CPS1: variants seen among roughly 807,000 people sequenced by gnomAD.
CPS1 encodes the protein carbamoyl-phosphate synthase [ammonia], mitochondrial.
In CPS1, 109 loss-of-function variants were observed where a neutral mutation model predicts 174.6. The observed-to-expected ratio is 0.62, with a 90% confidence interval of 0.53 to 0.73. The LOEUF (loss-of-function observed/expected upper bound fraction) is 0.73, where lower values mean the gene tolerates loss of function less well. Among genes scored for constraint, CPS1 ranks in the 30% least tolerant of loss-of-function variants. The probability of loss-of-function intolerance (pLI) is 0.00; values close to 1 mark genes in which losing one functional copy is unlikely to be tolerated. For missense variants in CPS1, 1,689 were observed against 1,821.9 expected (o/e 0.93, Z 1.33); for synonymous variants, 637 against 632.0 (o/e 1.01, Z -0.12).
At position 210,656,493 on chromosome 2, in the gene CPS1, T is replaced by C. The variant is rs774745466; in HGVS notation, c.3559-32T>C. On this transcript the variant is annotated intron_variant, in intron 29 of 37. Coordinates refer to ENST00000233072, the MANE Select transcript of CPS1 (RefSeq NM_001875.5). The stretch of plus-strand genomic sequence containing the variant: ...CTTGAAGGAAGTACCTGAAAACTTT[T>C]TCTAAAATCCTTTTTTTTTTTTTTT... 2.6e-6 allele frequency: 4 copies of C among 1,547,618 alleles called. No individual in the cohort carries two copies. The African/African-American group carries it at 5.8e-5, about 23-fold the overall frequency.
intron 29 of CPS1, 138 bp downstream of exon 29, chr2:210,654,240 A>T: frequency 1.3e-6 from 1 of 749,726 alleles, no homozygotes; most frequent in Non-Finnish European, 2.3e-6. Flanking sequence ...CTGTAAAAAA[A>T]ATCAAATTCT....
At chr2:210,596,439 T>G (rs376974857) in intron 13 of CPS1, among the ~76,000 whole-genome samples, 5 of 151,688 alleles carry the variant, frequency 3.3e-5, no homozygotes, top group Non-Finnish European at 7.4e-5. Flanking sequence ...CTGGGAAAAA[T>G]AGTTGGCCAA....
At chr2:210,546,015 TA>T (rs1696555694) in intron 1 of CPS1, among the ~76,000 whole-genome samples, 1 of 152,096 alleles carries the variant, frequency 6.6e-6, no homozygotes, top group Admixed American at 6.6e-5. Flanking sequence ...TTGAGCTTCT[TA>T]GATTTTTAGT....
At chr2:210,592,995 A>G (rs758278748) in intron 11 of CPS1, 39 bp downstream of exon 11, 5 of 1,557,980 alleles carry the variant, frequency 3.2e-6, no homozygotes, top group Non-Finnish European at 4.4e-6. Context: ...TATGCAAAAA[A>G]AAAATGTATT....
At chr2:210,593,650 C>A in intron 11 of CPS1, 3 of 985,230 alleles carry the variant, frequency 3.0e-6, no homozygotes, top group Non-Finnish European at 3.6e-6. Flanking sequence ...TCTTCATTGT[C>A]AGAACTCTCA....
In CPS1 at chr2:210,602,308, C is replaced by A; in HGVS notation, c.1814C>A (p.Thr605Asn). The change falls in exon 16 of 38, where the codon ACT (threonine) becomes AAT (asparagine). Residue 605 changes from threonine to asparagine, a missense_variant. By Grantham distance (65) the Thr-to-Asn change is moderately conservative. Transcript: ENST00000233072. ...TCAGGCATCTGTCCCAACAGAGAGA[C>A]TTTGATGGACCTCAGCACAAAGGTA... ...LGSGICPNRE[T>N]LMDLSTKAFA... is the part of the protein sequence containing the mutation. 1 of 1,612,574 alleles carries A rather than the reference C, an allele frequency of 6.2e-7. No homozygotes were observed. Among genetic ancestry groups the A allele is most frequent in the Non-Finnish European group, 8.5e-7 (1 of 1,179,010 alleles).
rs768681752 is a variant in CPS1 at position 210,600,694 on chromosome 2, A to T, written c.1689A>T (p.Pro563=). Residue 563 remains proline (P), a synonymous_variant, in exon 15 of 38, where the codon CCA becomes CCT. Coordinates refer to ENST00000233072, the MANE Select transcript of CPS1 (RefSeq NM_001875.5). ...ATGAGATCAATGAAAAGATTGCTCC[A>T]AGTTTTGCAGTGGAATCGGTAAGGA... ...KLNEINEKIA[P]SFAVESIEDA... 6.2e-7 allele frequency: 1 copy of T among 1,611,922 alleles called. No individual in the cohort carries two copies. The highest frequency in any genetic ancestry group is 8.5e-7 in the Non-Finnish European group (1 of 1,178,658).
intron 34 of CPS1, chr2:210,673,069 GATC>G (rs1701366786): frequency 6.6e-6 from 1 of 152,130 alleles, no homozygotes; most frequent in Non-Finnish European, 1.5e-5. Context: ...TCTGAAATAA[GATC>G]ATTTGATTTT....
In CPS1 at chr2:210,573,400, C is replaced by T. The variant is rs765626352; in HGVS notation, c.229C>T (p.Leu77=). Residue 77 remains leucine, a synonymous_variant, in exon 2 of 38, where the codon CTG becomes TTG. Transcript: ENST00000233072. ...TGGTGAAGTGGTTTTTAATACTGGC[C>T]TGGGAGGGTGAGTAATGCTTTTCCA... ...VAGEVVFNTG[L]GGYPEAITDP... is the part of the protein sequence containing the mutation. The T allele has an allele frequency of 6.2e-7, 1 of 1,609,956 alleles. No individual in the cohort carries two copies. Among genetic ancestry groups the T allele is most frequent in the Non-Finnish European group, 8.5e-7 (1 of 1,176,460 alleles).
At chr2:210,652,694 G>A (rs1158849008) in intron 28 of CPS1, among the ~76,000 whole-genome samples, 1 of 152,184 alleles carries the variant, frequency 6.6e-6, no homozygotes, top group Non-Finnish European at 1.5e-5. Context: ...AGGAATCCAA[G>A]TGGATATGAT....
Position 210,527,513 on chromosome 2 carries a change from T to TA in CPS1, c.4-29205dup, listed in dbSNP as rs539147000. Among the ~76,000 whole-genome samples, 3 of 151,904 alleles carry TA rather than the reference T, an allele frequency of 2.0e-5. No homozygotes were observed. The South Asian group carries it at 6.2e-4, about 31-fold the overall frequency. Reference sequence around the variant, plus strand: ...TATTAAACTGGCAATGACAGAAAAATAGATTTGGAAGGAGTAACCTGGGGC... The same window carrying TA: ...TATTAAACTGGCAATGACAGAAAAATAAGATTTGGAAGGAGTAACCTGGGGC... On this transcript the variant is annotated intron_variant, in intron 1 of 38. Coordinates refer to the CPS1 transcript ENST00000430249.
At chr2:210,575,350 T>C (rs1051748300) in intron 2 of CPS1, among the ~76,000 whole-genome samples, 3 of 152,108 alleles carry the variant, frequency 2.0e-5, no homozygotes, top group Admixed American at 6.6e-5. Context: ...TAACTCATTT[T>C]GCAGAAAGTG....
rs1208452980 is a variant in CPS1 at position 210,590,866 on chromosome 2, G to T, written c.907G>T (p.Ala303Ser). 1 of 1,611,138 alleles carries T rather than the reference G, an allele frequency of 6.2e-7. No homozygotes were observed. Residue 303 changes from alanine (A) to serine (S), a missense_variant, in exon 9 of 38, where the codon GCT (alanine) becomes TCT (serine). Ala to Ser is a moderately conservative substitution (Grantham distance 99). Transcript: ENST00000233072. ...TACAGGAAACTTAATAACAGGATTG[G>T]CTGCTGGTGCCAAAACCTACAAGAT... is the stretch of plus-strand genomic sequence containing the variant. ...ISTGNLITGL[A>S]AGAKTYKMSM...
At chr2:210,517,729 G>A (rs1695719406) in intron 1 of CPS1, among the ~76,000 whole-genome samples, 2 of 152,048 alleles carry the variant, frequency 1.3e-5, no homozygotes, top group African/African-American at 2.4e-5. Flanking sequence ...ATCACAGCAT[G>A]TAGCTTTTGA....
chr2:210,591,659 G>GA (rs1329752667), intron 9 of CPS1, among the ~76,000 whole-genome samples, 172 bp from the exon 10 acceptor site: 1 of 151,996 alleles, frequency 6.6e-6, no homozygotes, highest in Non-Finnish European at 1.5e-5. Flanking sequence ...TTTTTGTTGG[G>GA]AAAATTACTG....
intron 1 of CPS1, among the ~76,000 whole-genome samples, chr2:210,544,795 G>T (rs759800886): frequency 6.6e-6 from 1 of 151,908 alleles, no homozygotes; most frequent in Non-Finnish European, 1.5e-5. Flanking sequence ...ATGTAAAAAT[G>T]GTTGTTATAT....
intron 13 of CPS1, among the ~76,000 whole-genome samples, chr2:210,598,728 C>T (rs978801068): frequency 1.3e-5 from 2 of 151,776 alleles, no homozygotes; most frequent in Non-Finnish European, 2.9e-5. Context: ...TTCTTAGAGA[C>T]CTGCAAAGAG....
intron 18 of CPS1, 109 bp from the exon 19 acceptor site, chr2:210,608,252 A>G: frequency 1.0e-6 from 1 of 964,502 alleles, no homozygotes; most frequent in Non-Finnish European, 1.6e-6. Flanking sequence ...AGTGTCTTAT[A>G]CCCTGAAGTA....
chr2:210,611,319 A>G (rs551856047), intron 19 of CPS1, among the ~76,000 whole-genome samples: 1 of 152,116 alleles, frequency 6.6e-6, no homozygotes, highest in African/African-American at 2.4e-5. Context: ...TTTACTGAAA[A>G]TAGCATTATG....
Sources: allele counts gnomAD v4.1 joint callset (sites outside exome capture counted in the v4.1 genomes callset), GRCh38; gene constraint gnomAD v4.1.1; transcripts MANE v1.5; gene names NCBI Gene and HGNC (gene_info 2026-07-23, HGNC 2026-07-21).